The following ABCA13 variants were observed in gnomAD, a reference collection of about 807,000 sequenced individuals.
ABCA13 encodes the protein ATP-binding cassette sub-family A member 13.
A neutral mutation model predicts 478.7 loss-of-function variants in ABCA13; 476 were observed. That is an observed-to-expected ratio of 0.99 (90% CI 0.92 to 1.07). The LOEUF is 1.07. Among genes scored for constraint, ABCA13 ranks in the 50% least tolerant of loss-of-function variants. The pLI, the probability that ABCA13 is intolerant of heterozygous loss-of-function variation, is 0.00. For synonymous variants in ABCA13, 2,252 were observed against 2,158.9 expected (o/e 1.04, Z -1.20); for missense variants, 6,060 against 5,910.6 (o/e 1.03, Z -0.83).
chr7:48,454,959 C>G, intron 42 of ABCA13, 78 bp from the exon 43 acceptor site: 2 of 1,424,502 alleles, frequency 1.4e-6, no homozygotes, highest in Non-Finnish European at 1.8e-6. Context: ...CGCAGGGTCA[C>G]CGAGAGGGCA....
At chr7:48,261,597 C>T (rs1245521315) in intron 15 of ABCA13, among the ~76,000 whole-genome samples, 1 of 150,620 alleles carries the variant, frequency 6.6e-6, no homozygotes, top group Non-Finnish European at 1.5e-5. Context: ...ATTTAAAATA[C>T]TTCTTTAAAG....
chr7:48,477,481 G>T (rs1200339691), intron 45 of ABCA13, among the ~76,000 whole-genome samples: 1 of 151,784 alleles, frequency 6.6e-6, no homozygotes, highest in African/African-American at 2.4e-5. Flanking sequence ...CAAAGACTTG[G>T]AACCAACCCA....
chr7:48,220,210 A>G lies in ABCA13; in HGVS notation c.439+705A>G, dbSNP rs1445564329. Among the ~76,000 whole-genome samples, 4 of 152,152 alleles carry G rather than the reference A, an allele frequency of 2.6e-5. No homozygotes were observed. The East Asian group carries it at 7.7e-4, about 29-fold the overall frequency. On this transcript the variant is annotated intron_variant, in intron 4 of 61. Transcript: ENST00000435803. ...ACAAATGGAGAAGTTTGCACCTCAG[A>G]AATAGGCAGCCAGTTGCCTCTCTTC... is the stretch of plus-strand genomic sequence containing the variant.
chr7:48,406,131 T>C (rs1216594278), intron 39 of ABCA13, among the ~76,000 whole-genome samples: 2 of 152,206 alleles, frequency 1.3e-5, no homozygotes, highest in African/African-American at 4.8e-5. Context: ...CCTGGAATTT[T>C]GTGTGTGTTT....
At chr7:48,342,508 T>C (rs1807397226) in intron 29 of ABCA13, among the ~76,000 whole-genome samples, 1 of 152,220 alleles carries the variant, frequency 6.6e-6, no homozygotes, top group South Asian at 2.1e-4. Context: ...CCCCCTTCTT[T>C]TACTTCTTTA....
intron 35 of ABCA13, 98 bp from the exon 36 acceptor site, chr7:48,387,724 C>G (rs1815402909): frequency 9.7e-7 from 1 of 1,025,876 alleles, no homozygotes; most frequent in African/African-American, 1.6e-5. Flanking sequence ...AAAATATTAA[C>G]ATGGGATGAC....
chr7:48,414,157 ATCTTT>A (rs971700403), intron 41 of ABCA13, among the ~76,000 whole-genome samples: 7 of 152,202 alleles, frequency 4.6e-5, no homozygotes, highest in African/African-American at 1.4e-4. Context: ...CGGTCACTAC[ATCTTT>A]TCTTGTCTGG....
At chr7:48,332,953 C>T (rs1805638476) in intron 27 of ABCA13, among the ~76,000 whole-genome samples, 1 of 152,220 alleles carries the variant, frequency 6.6e-6, no homozygotes, top group Non-Finnish European at 1.5e-5. Context: ...GTTTGCTAAG[C>T]TTCCTGAGTC....
chr7:48,574,269 T>C (rs1787954109), intron 55 of ABCA13, among the ~76,000 whole-genome samples: 1 of 152,166 alleles, frequency 6.6e-6, no homozygotes, highest in African/African-American at 2.4e-5. Flanking sequence ...TAAAATTATC[T>C]CAGAAAATGG....
chr7:48,635,414 A>G (rs1268761466), intron 59 of ABCA13, among the ~76,000 whole-genome samples: 1 of 152,120 alleles, frequency 6.6e-6, no homozygotes, highest in Non-Finnish European at 1.5e-5. Flanking sequence ...CTGAACACTC[A>G]TGGGAGAGGG....
chr7:48,547,627 G>A (rs1022366329), intron 55 of ABCA13, among the ~76,000 whole-genome samples: 3 of 151,828 alleles, frequency 2.0e-5, no homozygotes, highest in South Asian at 2.1e-4. Context: ...CACATGGTCC[G>A]TGATGTCCCA....
At chr7:48,351,715 T>C (rs1809029359) in intron 30 of ABCA13, among the ~76,000 whole-genome samples, 1 of 152,214 alleles carries the variant, frequency 6.6e-6, no homozygotes. Context: ...CTTCTACATA[T>C]GAATTTAGTA....
At chr7:48,234,443 G>A (rs1027684371) in intron 8 of ABCA13, among the ~76,000 whole-genome samples, 1 of 152,172 alleles carries the variant, frequency 6.6e-6, no homozygotes, top group Non-Finnish European at 1.5e-5. Context: ...GTCAAGTGAG[G>A]GTGTGAGATT....
At chr7:48,500,424 T>C (rs557397777) in intron 48 of ABCA13, among the ~76,000 whole-genome samples, 31 of 152,196 alleles carry the variant, frequency 2.0e-4, no homozygotes, top group African/African-American at 6.8e-4. Flanking sequence ...TCTTTCTTTA[T>C]TCATTACTCT....
intron 55 of ABCA13, among the ~76,000 whole-genome samples, chr7:48,570,807 T>C (rs1787571092): frequency 6.6e-6 from 1 of 152,180 alleles, no homozygotes; most frequent in Non-Finnish European, 1.5e-5. Context: ...ATCTAATTAT[T>C]GAGATGGTAA....
intron 7 of ABCA13, 122 bp from the exon 8 acceptor site, chr7:48,233,896 G>A (rs931050029): frequency 2.6e-5 from 28 of 1,069,378 alleles, no homozygotes; most frequent in Non-Finnish European, 3.6e-5. Context: ...ATGCCCCAGT[G>A]GTGTTTGGTC....
intron 35 of ABCA13, among the ~76,000 whole-genome samples, chr7:48,385,198 T>C (rs1814992983): frequency 6.6e-6 from 1 of 152,204 alleles, no homozygotes; most frequent in Non-Finnish European, 1.5e-5. Context: ...CATAGGTAAA[T>C]GTGTGTCATG....
chr7:48,499,981 G>A (rs954464270), intron 48 of ABCA13, among the ~76,000 whole-genome samples: 12 of 152,176 alleles, frequency 7.9e-5, no homozygotes, highest in African/African-American at 2.9e-4. Context: ...GACTACAAAT[G>A]ATTTTCCTAG....
intron 38 of ABCA13, among the ~76,000 whole-genome samples, chr7:48,403,286 G>T (rs1034369472): frequency 6.6e-6 from 1 of 152,218 alleles, no homozygotes; most frequent in African/African-American, 2.4e-5. Flanking sequence ...GTAGAGCTGG[G>T]CCTGCCTTGC....
Sources: allele counts gnomAD v4.1 joint callset (sites outside exome capture counted in the v4.1 genomes callset), GRCh38; gene constraint gnomAD v4.1.1; transcripts MANE v1.5; gene names NCBI Gene and HGNC (gene_info 2026-07-23, HGNC 2026-07-21).